The following MILR1 variants were observed in gnomAD, a reference collection of about 807,000 sequenced individuals.
MILR1 encodes the protein allergin-1.
A neutral mutation model predicts 18.5 loss-of-function variants in MILR1; 31 were observed. That is an observed-to-expected ratio of 1.68 (90% CI 1.26 to 2.26). MILR1 has a LOEUF of 2.26. Among genes scored for constraint, MILR1 ranks in the 30% most tolerant of loss-of-function variants. The pLI, the probability that MILR1 is intolerant of heterozygous loss-of-function variation, is 0.00. For missense variants in MILR1, 257 were observed against 157.4 expected (o/e 1.63, Z -3.38); for synonymous variants, 85 against 56.2 (o/e 1.51, Z -2.30).
At chr17:64,455,524 G>T (rs1473447748) in intron 3 of MILR1, among the ~76,000 whole-genome samples, 1 of 151,940 alleles carries the variant, frequency 6.6e-6, no homozygotes, top group African/African-American at 2.4e-5. Flanking sequence ...CACCATCTCG[G>T]CTCACTGCAA....
chr17:64,463,877 G>A (rs1285008804), intron 5 of MILR1, among the ~76,000 whole-genome samples: 1 of 144,800 alleles, frequency 6.9e-6, no homozygotes, highest in African/African-American at 2.6e-5. Flanking sequence ...AGGCTGGAGT[G>A]CAGTGGCACA....
At chr17:64,462,395 C>T (rs1232794523) in intron 5 of MILR1, among the ~76,000 whole-genome samples, 5 of 152,140 alleles carry the variant, frequency 3.3e-5, no homozygotes, top group Non-Finnish European at 4.4e-5. Flanking sequence ...TCGCACTGGG[C>T]GCTGCAAGTG....
intron 9 of MILR1, 105 bp from the exon 10 acceptor site, chr17:64,468,205 T>C (rs1251504315): frequency 4.4e-6 from 2 of 455,584 alleles, no homozygotes; most frequent in East Asian, 1.4e-4. Context: ...CTCTTCCAGC[T>C]TCTGGGGCTC....
intron 8 of MILR1, 90 bp downstream of exon 8, chr17:64,466,752 T>G: frequency 1.8e-6 from 2 of 1,097,964 alleles, no homozygotes; most frequent in Non-Finnish European, 2.7e-6. Flanking sequence ...AGGAGCCCGT[T>G]AATGGGGTGG....
rs1015990124 is a variant in MILR1 at position 64,462,511 on chromosome 17, C to T, written c.763+1579C>T. Reference sequence around the variant, plus strand: ...GGTTCAGTGCATGAGGACAAACAAGCGTCATCCCATTAGCACAAAAGACAC... The same window carrying T: ...GGTTCAGTGCATGAGGACAAACAAGTGTCATCCCATTAGCACAAAAGACAC... On this transcript the variant is annotated intron_variant, in intron 5 of 9. Coordinates refer to ENST00000619286, the MANE Select transcript of MILR1 (RefSeq NM_001085423.2). Among the ~76,000 whole-genome samples the T allele has an allele frequency of 1.3e-3, 202 of 152,242 alleles. 2 individuals carry two copies. The highest frequency in any genetic ancestry group is 2.7e-3 in the Admixed American group (42 of 15,282).
At chr17:64,496,172 ATTGAGAGCGTTCCCAGGTCC>A in the MILR1 span, among the ~76,000 whole-genome samples, 1 of 152,226 alleles carries the variant, frequency 6.6e-6, no homozygotes, top group Non-Finnish European at 1.5e-5. Context: ...GCCCCGTGAA[ATTGAGAGCGTTCCCAGGTCC>A]TTCGGACAGA....
the MILR1 span, among the ~76,000 whole-genome samples, chr17:64,487,749 C>G: frequency 6.6e-6 from 1 of 152,154 alleles, no homozygotes. Context: ...CTCCTGTAAT[C>G]CTAGCACTTT....
intron 5 of MILR1, among the ~76,000 whole-genome samples, chr17:64,462,040 T>C (rs1170632776): frequency 6.6e-6 from 1 of 152,222 alleles, no homozygotes; most frequent in Non-Finnish European, 1.5e-5. Flanking sequence ...CTTCCACCTT[T>C]TGTCTATTGT....
chr17:64,492,658 T>G, the MILR1 span: 4 of 1,512,306 alleles, frequency 2.6e-6, no homozygotes, highest in Non-Finnish European at 3.7e-6. Context: ...AAGGTAATTA[T>G]TGCAGTACCT....
chr17:64,493,851 T>C, the MILR1 span, among the ~76,000 whole-genome samples: 17 of 152,242 alleles, frequency 1.1e-4, no homozygotes, highest in Non-Finnish European at 8.8e-5. Context: ...AACACTTGTA[T>C]ACCCTTTACC....
At chr17:64,458,322 T>C (rs1180229706) in intron 4 of MILR1, among the ~76,000 whole-genome samples, 2 of 151,824 alleles carry the variant, frequency 1.3e-5, no homozygotes, top group African/African-American at 2.4e-5. Flanking sequence ...TAGAGATTCT[T>C]GTGCCTCAGC....
chr17:64,486,200 C>A, the MILR1 span, among the ~76,000 whole-genome samples: 5 of 152,084 alleles, frequency 3.3e-5, no homozygotes, highest in Non-Finnish European at 7.4e-5. Flanking sequence ...TCAGCGAGGC[C>A]CAAATGTGAA....
Position 64,463,482 on chromosome 17 carries a change from G to C in MILR1, c.764-1970G>C, listed in dbSNP as rs1004215428. Among the ~76,000 whole-genome samples, 21 of 152,264 alleles carry C rather than the reference G, an allele frequency of 1.4e-4. No individual in the cohort carries two copies. The South Asian group carries it at 2.7e-3, about 20-fold the overall frequency. ...GAGGGCTGTTGGACAAGCCCCTCAG[G>C]CTGTTGCTTCTGAGCCTCAGTGTTC... On this transcript the variant is annotated intron_variant, in intron 5 of 9. Coordinates refer to ENST00000619286, the MANE Select transcript of MILR1 (RefSeq NM_001085423.2).
intron 4 of MILR1, among the ~76,000 whole-genome samples, chr17:64,459,522 G>T (rs1203241137): frequency 2.6e-5 from 4 of 152,180 alleles, no homozygotes; most frequent in African/African-American, 9.6e-5. Context: ...ACTTCACCCA[G>T]CCAGGTCCTC....
At chr17:64,467,721 G>T in intron 9 of MILR1, 76 bp downstream of exon 9, 2 of 871,810 alleles carry the variant, frequency 2.3e-6, no homozygotes, top group Non-Finnish European at 3.6e-6. Flanking sequence ...ATTACTTGAG[G>T]TCAGGAGTTC....
At chr17:64,449,277 G>A (rs2037112152) in intron 1 of MILR1, 37 bp from the exon 2 acceptor site, 2 of 473,322 alleles carry the variant, frequency 4.2e-6, no homozygotes, top group Non-Finnish European at 3.9e-6. Flanking sequence ...CGTGTCATGT[G>A]GAAAGTGAGC....
chr17:64,472,465 C>CAAAAAAAAAAAAAAAA (rs71158332), downstream of MILR1, among the ~76,000 whole-genome samples: 35 of 13,920 alleles, frequency 2.5e-3, 3 homozygotes, highest in African/African-American at 4.6e-3. Context: ...GACTCCATCT[C>CAAAAAAAAAAAAAAAA]AAAAAAAAAA....
chr17:64,485,704 C>G, the MILR1 span: 2 of 1,591,112 alleles, frequency 1.3e-6, no homozygotes, highest in African/African-American at 2.7e-5. Flanking sequence ...TTTCCCAAGT[C>G]TATCTCTGAA....
At chr17:64,480,521 T>C in the MILR1 span, 86,521 of 522,576 alleles carry the variant, frequency 0.17, 16,153 homozygotes, top group African/African-American at 0.7. Flanking sequence ...TATGTGATGT[T>C]AATGTTTATA....
Sources: allele counts gnomAD v4.1 joint callset (sites outside exome capture counted in the v4.1 genomes callset), GRCh38; gene constraint gnomAD v4.1.1; transcripts MANE v1.5; gene names NCBI Gene and HGNC (gene_info 2026-07-23, HGNC 2026-07-21).